The following CDH1 variants were observed in gnomAD, a reference collection of about 807,000 sequenced individuals.
CDH1 encodes cadherin 1.
Under a neutral mutation model 84.5 loss-of-function variants are expected in CDH1, and 35 were observed. That is an observed-to-expected ratio of 0.41 (90% CI 0.32 to 0.55). The LOEUF (loss-of-function observed/expected upper bound fraction) is 0.55, where lower values mean the gene tolerates loss of function less well. Ranked by LOEUF, CDH1 falls within the 20% of genes least tolerant of loss-of-function variation. CDH1 has a pLI of 0.19. For synonymous variants in CDH1, 417 were observed against 439.0 expected (o/e 0.95, Z 0.63); for missense variants, 994 against 1,126.6 (o/e 0.88, Z 1.68).
chr16:68,813,086 G>A (rs986770188), intron 8 of CDH1, among the ~76,000 whole-genome samples: 2 of 152,018 alleles, frequency 1.3e-5, no homozygotes, highest in Admixed American at 6.6e-5. Flanking sequence ...GTGTGGTGGT[G>A]CATGCCTGTG....
intron 2 of CDH1, 92 bp downstream of exon 2, chr16:68,738,503 G>A (rs1018458265): frequency 5.0e-6 from 4 of 799,870 alleles, no homozygotes; most frequent in Non-Finnish European, 7.9e-6. Flanking sequence ...GGTTGCAATG[G>A]GCAAGCTCCC....
chr16:68,821,084 A>G (rs1961130163), intron 11 of CDH1, among the ~76,000 whole-genome samples: 1 of 152,186 alleles, frequency 6.6e-6, no homozygotes, highest in South Asian at 2.1e-4. Flanking sequence ...TTGTATCCGT[A>G]TCGTATACTA....
intron 2 of CDH1, among the ~76,000 whole-genome samples, chr16:68,797,699 T>A (rs759780463): frequency 6.6e-6 from 1 of 152,140 alleles, no homozygotes; most frequent in Non-Finnish European, 1.5e-5. Flanking sequence ...TAAAATTAAA[T>A]AAAATCTGAA....
At chr16:68,749,974 A>AT (rs34365412) in intron 2 of CDH1, among the ~76,000 whole-genome samples, 84,638 of 149,682 alleles carry the variant, frequency 0.57, 24,040 homozygotes, top group Non-Finnish European at 0.61. Context: ...TTATTTTATG[A>AT]TTTTTTTTTT....
intron 6 of CDH1, among the ~76,000 whole-genome samples, chr16:68,810,722 C>T (rs1052989363): frequency 4.0e-5 from 6 of 151,746 alleles, no homozygotes; most frequent in East Asian, 3.9e-4. Context: ...AAAAATTAGC[C>T]GGTCGTGGTG....
At position 68,793,250 on chromosome 16, in the gene CDH1, C is replaced by T. The variant is rs35800991; in HGVS notation, c.164-8420C>T. On this transcript the variant is annotated intron_variant, in intron 2 of 15. Transcript: ENST00000261769. Reference sequence around the variant, plus strand: ...GCTTATGCAAAGTGGTAACATACAGCGAGACCTTTTTGAAACTGGAGTATA... The same window carrying T: ...GCTTATGCAAAGTGGTAACATACAGTGAGACCTTTTTGAAACTGGAGTATA... 4.1e-3 allele frequency among the ~76,000 whole-genome samples: 628 copies of T among 152,262 alleles called. 4 individuals are homozygous for T. The highest frequency in any genetic ancestry group is 0.013 in the African/African-American group (550 of 41,540).
intron 2 of CDH1, among the ~76,000 whole-genome samples, chr16:68,800,188 T>TA (rs1747428635): frequency 6.6e-6 from 1 of 150,632 alleles, no homozygotes; most frequent in African/African-American, 2.5e-5. Context: ...AAAATATTAT[T>TA]TAAAAAAAAA....
chr16:68,759,708 G>A (rs1470729599), intron 2 of CDH1, among the ~76,000 whole-genome samples: 5 of 152,076 alleles, frequency 3.3e-5, no homozygotes, highest in Admixed American at 2.6e-4. Context: ...CCAGGCTGGT[G>A]TCAAACTCCT....
At chr16:68,755,833 G>A (rs370894606) in intron 2 of CDH1, among the ~76,000 whole-genome samples, 52 of 148,950 alleles carry the variant, frequency 3.5e-4, no homozygotes, top group African/African-American at 1.2e-3. Flanking sequence ...GCCTGATCTC[G>A]GCTCATTGCA....
chr16:68,805,978 C>T (rs1323632320), intron 3 of CDH1, among the ~76,000 whole-genome samples: 5 of 151,998 alleles, frequency 3.3e-5, no homozygotes, highest in Admixed American at 6.6e-5. Context: ...GACAGAGTCT[C>T]GCTCTGTTTC....
chr16:68,830,019 G>A (rs1402632161), intron 15 of CDH1, among the ~76,000 whole-genome samples: 2 of 147,042 alleles, frequency 1.4e-5, no homozygotes, highest in Non-Finnish European at 3.0e-5. Context: ...GTGCAATGGC[G>A]CAATCTTTGC....
chr16:68,744,731 C>T (rs896827526), intron 2 of CDH1, among the ~76,000 whole-genome samples: 1 of 152,274 alleles, frequency 6.6e-6, no homozygotes. Flanking sequence ...CTTAGTTTCC[C>T]TCTCTGTAAA....
rs1597895834 is a variant in CDH1, at chr16:68,813,361, C to A, written c.1186C>A (p.Leu396Met). The change falls in exon 9 of 16, where the codon CTG (leucine) becomes ATG (methionine). Residue 396 changes from leucine to methionine, a missense_variant. Physicochemically the swap from Leu to Met is conservative, Grantham distance 15. Around this residue, in one of 3 missense-constraint regions of CDH1, gnomAD observed 769 missense variants for 881.8 expected, o/e 0.87. Transcript: ENST00000261769. ...CGAGGCTAACGTCGTAATCACCACA[C>A]TGAAAGTGACTGATGCTGATGCCCC... The part of the protein sequence containing the change: ...ENEANVVITT[L>M]KVTDADAPNT... 6.2e-7 allele frequency: 1 copy of A among 1,614,194 alleles called. No individual in the cohort carries two copies. The highest frequency in any genetic ancestry group is 1.3e-5 in the African/African-American group (1 of 75,056).
chr16:68,829,802 G>A lies in CDH1; in HGVS notation c.2439+5G>A, dbSNP rs2152142491. 3 of 1,613,760 alleles carry A rather than the reference G, an allele frequency of 1.9e-6. No individual in the cohort carries two copies. The highest frequency in any genetic ancestry group is 2.5e-6 in the Non-Finnish European group (3 of 1,179,978). On this transcript the variant is annotated splice_donor_5th_base_variant and intron_variant, in intron 15 of 15. Transcript: ENST00000261769. Reference sequence around the variant, plus strand: ...ATTGGAAATTTTATTGATGAAGTAAGTAATCCACGTGGAAAGCCAAAGCAT... The same window carrying A: ...ATTGGAAATTTTATTGATGAAGTAAATAATCCACGTGGAAAGCCAAAGCAT...
At chr16:68,799,549 A>C (rs934407849) in intron 2 of CDH1, among the ~76,000 whole-genome samples, 1 of 152,028 alleles carries the variant, frequency 6.6e-6, no homozygotes, top group Non-Finnish European at 1.5e-5. Flanking sequence ...ATAATTTCCT[A>C]TAATCAGCCC....
chr16:68,745,549 A>ATATATATATATATATATATGT lies in CDH1; in HGVS notation c.163+7138_163+7139insTATATATATATATATATATGT, dbSNP rs1285099283. 5.1e-3 allele frequency among the ~76,000 whole-genome samples: 384 copies of ATATATATATATATATATATGT among 75,164 alleles called. 6 individuals are homozygous for ATATATATATATATATATATGT. Among genetic ancestry groups the ATATATATATATATATATATGT allele is most frequent in the Non-Finnish European group, 7.2e-3 (296 of 41,082 alleles). The allele number at this position is 75,164 out of a possible 152,430, so 49.3% of individuals were successfully genotyped here. A position where few individuals can be genotyped will look rare whatever the true frequency, so the allele number is the denominator to read the frequency against. On this transcript the variant is annotated intron_variant, in intron 2 of 15. Transcript: ENST00000261769. ...ATCCTGTCTCAAAAAAAAAAAAAAA[A>ATATATATATATATATATATGT]ATATATATATATATGTATATATATA...
chr16:68,813,621 T>C, intron 9 of CDH1, 126 bp downstream of exon 9: 1 of 915,270 alleles, frequency 1.1e-6, no homozygotes, highest in Non-Finnish European at 1.8e-6. Context: ...TCCCAGATTG[T>C]AGTGGACCAT....
In CDH1 at chr16:68,816,323, G is replaced by A. The variant is rs1052718409; in HGVS notation, c.1565+564G>A. Among the ~76,000 whole-genome samples, 138 of 152,194 alleles carry A rather than the reference G, an allele frequency of 9.1e-4. 1 individual carries two copies. The highest frequency in any genetic ancestry group is 7.3e-5 in the Non-Finnish European group (5 of 68,040). On this transcript the variant is annotated intron_variant, in intron 10 of 15. Transcript: ENST00000261769. ...CACCGCACCCAGCCCATAGTATTGT[G>A]TTCTAAGTAGCTTACTATCAGTATT...
intron 2 of CDH1, among the ~76,000 whole-genome samples, chr16:68,754,132 A>AT (rs1486403050): frequency 6.7e-6 from 1 of 148,986 alleles, no homozygotes; most frequent in Non-Finnish European, 1.5e-5. Context: ...AAAAAAAAAA[A>AT]AATTATTCGG....
Sources: gnomAD v4.1 joint callset for allele counts (sites outside exome capture counted in the v4.1 genomes callset) on GRCh38, gnomAD v4.1.1 for gene constraint, gnomAD v4.1.1 regional missense constraint, MANE v1.5 for transcripts, NCBI Gene and HGNC (gene_info 2026-07-23, HGNC 2026-07-21) for gene names.